The following MAP7D2 variants were observed in gnomAD, a reference collection of about 807,000 sequenced individuals.
The protein encoded by MAP7D2 is MAP7 domain-containing protein 2.
In MAP7D2, 33 loss-of-function variants were observed where a neutral mutation model predicts 63.5. That is an observed-to-expected ratio of 0.52 (90% confidence interval 0.39 to 0.70). The LOEUF is 0.70. Among genes scored for constraint, MAP7D2 ranks in the 30% least tolerant of loss-of-function variants. MAP7D2 has a pLI of 0.00. For missense variants in MAP7D2, 626 were observed against 604.0 expected (o/e 1.04, Z -0.38); for synonymous variants, 224 against 223.7 (o/e 1.00, Z -0.01).
At chrX:20,051,476 G>A (rs2064946658) in intron 5 of MAP7D2, among the ~76,000 whole-genome samples, 1 of 109,252 alleles carries the variant, frequency 9.2e-6, no homozygotes, top group Non-Finnish European at 1.9e-5. Context: ...CTTGAGCCCG[G>A]GAGGCAGAGT....
intron 8 of MAP7D2, among the ~76,000 whole-genome samples, chrX:20,028,112 C>A (rs1476607622): frequency 8.9e-6 from 1 of 111,891 alleles, no homozygotes; most frequent in East Asian, 2.8e-4. Context: ...TGTCTACAGA[C>A]ACATATTTGT....
chrX:20,025,845 T>C lies in MAP7D2; in HGVS notation c.1115A>G (p.Lys372Arg), dbSNP rs1275798559. The stretch of plus-strand genomic sequence containing the variant: ...GCTCTTCTCTTTCTCCGCTTTCCTC[T>C]TGGGCATGTCTTGGCCAGAAAGGGC... Reference protein sequence around the residue: ...LPALSGQDMPKRKAEKEKSNK... With the variant: ...LPALSGQDMPRRKAEKEKSNK... Residue 372 changes from lysine to arginine, a missense_variant, in exon 9 of 17, where the codon AAG (lysine) becomes AGG (arginine). Transcript: ENST00000379643. 5.0e-6 allele frequency: 6 copies of C among 1,210,105 alleles called. No homozygotes were observed. The highest frequency in any genetic ancestry group is 5.6e-6 in the Non-Finnish European group (5 of 895,285).
At chrX:20,083,707 T>C (rs2065833878) in intron 1 of MAP7D2, among the ~76,000 whole-genome samples, 1 of 111,961 alleles carries the variant, frequency 8.9e-6, no homozygotes, top group Non-Finnish European at 1.9e-5. Context: ...ACCACTGCCT[T>C]TAAAAATAGC....
At chrX:20,105,827 T>C (rs2066551544) in intron 1 of MAP7D2, among the ~76,000 whole-genome samples, 1 of 112,147 alleles carries the variant, frequency 8.9e-6, no homozygotes, top group Admixed American at 9.5e-5. Context: ...GGTTCCATGT[T>C]TTTTCAATAC....
Position 20,063,581 on chromosome X carries a change from G to A in MAP7D2, c.209-4C>T, listed in dbSNP as rs1033437070. The A allele has an allele frequency of 9.9e-6, 12 of 1,208,242 alleles. No homozygotes were observed. The highest frequency in any genetic ancestry group is 1.3e-5 in the Non-Finnish European group (12 of 894,305). ...AGGATCTGTTGCTCCCGAGCAGCTG[G>A]GGAAGGAAAGTAGAAGAGAGGTGTC... On this transcript the variant is annotated splice_region_variant and splice_polypyrimidine_tract_variant and intron_variant, in intron 2 of 16. Transcript: ENST00000379643.
intron 2 of MAP7D2, among the ~76,000 whole-genome samples, 179 bp downstream of exon 2, chrX:20,064,549 T>C (rs2065302500): frequency 8.9e-6 from 1 of 112,192 alleles, no homozygotes; most frequent in African/African-American, 3.2e-5. Flanking sequence ...GAGTGAACTA[T>C]TCTGAAAATT....
Position 20,112,573 on chromosome X carries a change from C to T in MAP7D2, c.130+4177G>A, listed in dbSNP as rs191928769. On this transcript the variant is annotated intron_variant, in intron 1 of 16. Coordinates refer to ENST00000379643, the MANE Select transcript of MAP7D2 (RefSeq NM_001168465.2). ...GGTAAACTCCATATTTAAATGCGGC[C>T]GACTCAGATGTGAGGTGGACAGTGG... is the stretch of plus-strand genomic sequence containing the variant. Among the ~76,000 whole-genome samples the T allele has an allele frequency of 3.5e-4, 39 of 110,970 alleles. No homozygotes were observed. In the East Asian group the frequency reaches 5.1e-3, roughly 15 times the overall value.
intron 6 of MAP7D2, among the ~76,000 whole-genome samples, chrX:20,050,604 A>G (rs1055767423): frequency 8.9e-6 from 1 of 112,103 alleles, no homozygotes; most frequent in African/African-American, 3.2e-5. Context: ...TTCTTCCCCT[A>G]AAGAACATGC....
intron 8 of MAP7D2, among the ~76,000 whole-genome samples, chrX:20,032,596 T>C (rs899472543): frequency 8.9e-6 from 1 of 111,792 alleles, no homozygotes; most frequent in African/African-American, 3.2e-5. Context: ...TGTTTTGTTT[T>C]CAACACATGA....
At chrX:20,094,534 A>T (rs5909353) in intron 1 of MAP7D2, among the ~76,000 whole-genome samples, 1 of 9,624 alleles carries the variant, frequency 1.0e-4, no homozygotes, top group African/African-American at 5.2e-4. Context: ...ATATATATAT[A>T]TATATATGTA....
At chrX:20,114,295 A>C (rs113384930) in intron 1 of MAP7D2, among the ~76,000 whole-genome samples, 7 of 112,586 alleles carry the variant, frequency 6.2e-5, no homozygotes, top group African/African-American at 1.9e-4. Context: ...GGCCTCCCAA[A>C]GTGCTGGGAT....
chrX:20,051,009 T>C, intron 5 of MAP7D2, 63 bp from the exon 6 acceptor site: 3 of 980,693 alleles, frequency 3.1e-6, no homozygotes, highest in Non-Finnish European at 4.0e-6. Context: ...AAATAAAACA[T>C]TTAAACAACA....
chrX:20,014,809 C>T (rs905931269), intron 12 of MAP7D2, among the ~76,000 whole-genome samples: 2 of 110,927 alleles, frequency 1.8e-5, no homozygotes, highest in Non-Finnish European at 3.8e-5. Context: ...CTTAACTTCC[C>T]GAGTTCAGGT....
chrX:20,032,398 C>A (rs755859176), intron 8 of MAP7D2, among the ~76,000 whole-genome samples: 1 of 110,840 alleles, frequency 9.0e-6, no homozygotes, highest in East Asian at 2.8e-4. Flanking sequence ...AACCAAGCCA[C>A]ACATCTCCCA....
At chrX:20,059,936 T>C (rs752395623) in intron 3 of MAP7D2, among the ~76,000 whole-genome samples, 8 of 111,019 alleles carry the variant, frequency 7.2e-5, no homozygotes, top group Non-Finnish European at 1.5e-4. Context: ...CAGGGCACAT[T>C]CCAGACACTG....
intron 8 of MAP7D2, among the ~76,000 whole-genome samples, chrX:20,042,152 T>G (rs978019323): frequency 8.1e-5 from 9 of 111,312 alleles, no homozygotes; most frequent in African/African-American, 2.9e-4. Context: ...TGGGGGAGAA[T>G]GTCAGGAGGA....
In MAP7D2 at chrX:20,116,894, C is replaced by T. The variant is rs754364439; in HGVS notation, c.-15G>A. The T allele has an allele frequency of 2.8e-6, 3 of 1,086,518 alleles. No individual in the cohort carries two copies. Among genetic ancestry groups the T allele is most frequent in the South Asian group, 4.9e-5 (2 of 40,731 alleles). The allele number at this position is 1,086,518 out of a possible 1,213,427, so 89.5% of individuals were successfully genotyped here. ...CCGCGCTCCATCGGGATGCGCCGGC[C>T]GCACAGGCGCACTGCCAAGCCCGCC... is the stretch of plus-strand genomic sequence containing the variant. On this transcript the variant is annotated 5_prime_UTR_variant, in exon 1 of 17. Coordinates refer to ENST00000379643, the MANE Select transcript of MAP7D2 (RefSeq NM_001168465.2).
chrX:20,113,617 G>A (rs2066807523), intron 1 of MAP7D2, among the ~76,000 whole-genome samples: 1 of 111,647 alleles, frequency 9.0e-6, no homozygotes, highest in East Asian at 2.8e-4. Flanking sequence ...GAAGAACTCC[G>A]ATTTCTTGGG....
intron 3 of MAP7D2, 38 bp from the exon 4 acceptor site, chrX:20,056,829 A>T (rs781203377): frequency 2.6e-6 from 3 of 1,136,665 alleles, no homozygotes; most frequent in South Asian, 1.9e-5. Flanking sequence ...AACAAGATTA[A>T]CTACCCAGCC....
Sources: gnomAD v4.1 joint callset for allele counts (sites outside exome capture counted in the v4.1 genomes callset) on GRCh38, gnomAD v4.1.1 for gene constraint, MANE v1.5 for transcripts, NCBI Gene and HGNC (gene_info 2026-07-23, HGNC 2026-07-21) for gene names.